SH3D19: variants seen among roughly 807,000 people sequenced by gnomAD.
SH3D19 encodes the protein SH3 domain-containing protein 19.
Under a neutral mutation model 112.1 loss-of-function variants are expected in SH3D19, and 58 were observed. The observed-to-expected ratio is 0.52, with a 90% CI of 0.42 to 0.64. The LOEUF is 0.64. Ranked by LOEUF, SH3D19 falls within the 30% of genes least tolerant of loss-of-function variation. The probability of loss-of-function intolerance (pLI) is 0.00; values close to 1 mark genes in which losing one functional copy is unlikely to be tolerated. For missense variants in SH3D19, 1,090 were observed against 1,263.4 expected, an observed-to-expected ratio of 0.86 and a Z score of 2.08; for synonymous variants, 391 against 448.5, an observed-to-expected ratio of 0.87 and a Z score of 1.62.
chr4:151,129,896 C>T (rs1750252415), intron 17 of SH3D19, among the ~76,000 whole-genome samples: 1 of 152,194 alleles, frequency 6.6e-6, no homozygotes, highest in Non-Finnish European at 1.5e-5. Context: ...AAAAAGCAAG[C>T]AAACAACACT....
chr4:151,311,475 G>A (rs1729454539), intron 1 of SH3D19, among the ~76,000 whole-genome samples: 1 of 152,150 alleles, frequency 6.6e-6, no homozygotes, highest in South Asian at 2.1e-4. Flanking sequence ...AGTGAAATAA[G>A]CCAGACACAG....
intron 1 of SH3D19, among the ~76,000 whole-genome samples, chr4:151,257,852 T>C (rs755847161): frequency 2.0e-5 from 3 of 152,144 alleles, no homozygotes; most frequent in Non-Finnish European, 4.4e-5. Flanking sequence ...TAGGCTGCAG[T>C]ATGCTACGAT....
chr4:151,139,701 G>C (rs1222995436), intron 13 of SH3D19, 74 bp downstream of exon 13: 1 of 1,357,904 alleles, frequency 7.4e-7, no homozygotes, highest in Non-Finnish European at 1.0e-6. Context: ...GTCCTTGAGA[G>C]GCTAACCCCC....
At position 151,133,098 on chromosome 4, in the gene SH3D19, C is replaced by T; in HGVS notation, c.2625G>A (p.Gly875=). The change falls in exon 16 of 20, where the codon GGG becomes GGA. Residue 875 remains glycine (G), a synonymous_variant. Coordinates refer to ENST00000604030, the MANE Select transcript of SH3D19 (RefSeq NM_001378122.1). ...GCTCCACAAAGTTCAGGGGGAAAAT[C>T]CCAGTTCTGCCTCGAACTTCTCCTC... ...WARGEVRGRT[G]IFPLNFVEPV... 1 of 1,614,122 alleles carries T rather than the reference C, an allele frequency of 6.2e-7. No individual in the cohort carries two copies. Among genetic ancestry groups the T allele is most frequent in the Non-Finnish European group, 8.5e-7 (1 of 1,179,974 alleles).
chr4:151,291,180 AAG>A (rs1775302976), intron 1 of SH3D19: 1 of 1,613,836 alleles, frequency 6.2e-7, no homozygotes, highest in African/African-American at 1.3e-5. Flanking sequence ...CAGGAGTAGT[AAG>A]CTGGGGATTA....
intron 9 of SH3D19, among the ~76,000 whole-genome samples, chr4:151,152,746 T>G (rs1314881355): frequency 1.3e-5 from 2 of 151,950 alleles, no homozygotes; most frequent in Non-Finnish European, 2.9e-5. Flanking sequence ...CTGGAACTCC[T>G]GACCTCAACT....
At chr4:151,226,357 C>T (rs1561378776) in intron 1 of SH3D19, 6 of 1,106,732 alleles carry the variant, frequency 5.4e-6, no homozygotes, top group Middle Eastern at 4.0e-4. Context: ...AAGATCTTTC[C>T]TGTGCTAAAT....
At chr4:151,128,058 TCAAATATA>T in intron 18 of SH3D19, 104 bp downstream of exon 18, 1 of 854,498 alleles carries the variant, frequency 1.2e-6, no homozygotes, top group African/African-American at 1.8e-5. Context: ...ATCAGCTCTT[TCAAATATA>T]GACAGACAAA....
At chr4:151,166,170 G>A (rs1256408687) in intron 7 of SH3D19, 1 of 152,504 alleles carries the variant, frequency 6.6e-6, no homozygotes, top group African/African-American at 2.4e-5. Context: ...AAGGTGCTTA[G>A]CAGTCTCCGA....
At chr4:151,319,232 T>C (rs957016778) in intron 1 of SH3D19, among the ~76,000 whole-genome samples, 1 of 152,180 alleles carries the variant, frequency 6.6e-6, no homozygotes, top group African/African-American at 2.4e-5. Flanking sequence ...GTATTTTTGG[T>C]AGATATGGGG....
intron 2 of SH3D19, among the ~76,000 whole-genome samples, chr4:151,200,062 C>G (rs1764172808): frequency 6.6e-6 from 1 of 152,164 alleles, no homozygotes; most frequent in South Asian, 2.1e-4. Context: ...AAGATACTGT[C>G]TATGAACCAG....
At chr4:151,132,940 G>A (rs1751033664) in intron 16 of SH3D19, 94 bp downstream of exon 16, 4 of 1,038,630 alleles carry the variant, frequency 3.9e-6, no homozygotes, top group Non-Finnish European at 4.2e-6. Context: ...TAAAAATATG[G>A]CAATATGGAT....
intron 11 of SH3D19, among the ~76,000 whole-genome samples, chr4:151,145,359 A>T (rs1241643696): frequency 6.6e-6 from 1 of 152,158 alleles, no homozygotes; most frequent in East Asian, 1.9e-4. Context: ...AAAAGATGAC[A>T]TTCCACCATT....
At chr4:151,202,594 CG>C (rs1199548074) in intron 2 of SH3D19, among the ~76,000 whole-genome samples, 2 of 152,124 alleles carry the variant, frequency 1.3e-5, no homozygotes, top group Admixed American at 1.3e-4. Flanking sequence ...CTGTTTCTTG[CG>C]TCATGGCCCT....
At chr4:151,253,754 A>C (rs2149980039) in intron 1 of SH3D19, among the ~76,000 whole-genome samples, 1 of 146,212 alleles carries the variant, frequency 6.8e-6, no homozygotes, top group South Asian at 2.1e-4. Flanking sequence ...AAAAAAAAAA[A>C]ACAAGAAAAC....
At chr4:151,216,877 CTGTGTGTGTGTGTGTGTG>C (rs34575245) in intron 2 of SH3D19, among the ~76,000 whole-genome samples, 11,608 of 140,856 alleles carry the variant, frequency 0.082, 603 homozygotes, top group East Asian at 0.2. Context: ...CAAAACAACA[CTGTGTGTGTGTGTGTGTG>C]TGTGTGTGTG....
intron 1 of SH3D19, 140 bp from the exon 2 acceptor site, chr4:151,226,226 TTCA>T (rs1181580457): frequency 7.2e-5 from 88 of 1,225,252 alleles, no homozygotes; most frequent in Non-Finnish European, 8.7e-5. Context: ...TATAAGGCTC[TTCA>T]TCACAGTTCG....
chr4:151,133,782 T>C (rs191793520), intron 15 of SH3D19, among the ~76,000 whole-genome samples: 66 of 152,310 alleles, frequency 4.3e-4, no homozygotes, highest in African/African-American at 1.5e-3. Context: ...CACACAGTCT[T>C]GGAACTAACC....
At chr4:151,237,961 G>A (rs1360991918) in intron 1 of SH3D19, among the ~76,000 whole-genome samples, 1 of 152,150 alleles carries the variant, frequency 6.6e-6, no homozygotes. Context: ...TTCTGAACCA[G>A]GGGCTATAAT....
Sources: gnomAD v4.1 joint callset for allele counts (sites outside exome capture counted in the v4.1 genomes callset) on GRCh38, gnomAD v4.1.1 for gene constraint, MANE v1.5 for transcripts, NCBI Gene and HGNC (gene_info 2026-07-23, HGNC 2026-07-21) for gene names.